Variants in EZH1 observed in about 807,000 individuals in gnomAD.
EZH1 encodes the protein enhancer of zeste 1 polycomb repressive complex 2 subunit.
EZH1 carries 33 observed loss-of-function variants against 100.5 expected under a neutral mutation model. The observed-to-expected ratio is 0.33, with a 90% CI of 0.25 to 0.44. The LOEUF (loss-of-function observed/expected upper bound fraction) is 0.44. Among genes scored for constraint, EZH1 ranks in the 20% least tolerant of loss-of-function variants. The pLI is 1.00. For synonymous variants in EZH1, 272 were observed against 313.8 expected (o/e 0.87, Z 1.41); for missense variants, 475 against 928.4 (o/e 0.51, Z 6.35).
chr17:42,715,283 T>C (rs1423658925), intron 10 of EZH1, among the ~76,000 whole-genome samples: 3 of 145,388 alleles, frequency 2.1e-5, no homozygotes, highest in East Asian at 4.1e-4. Context: ...TATATATATA[T>C]ATTTTTTTGA....
chr17:42,734,844 T>A (rs569307550), intron 1 of EZH1, among the ~76,000 whole-genome samples: 9 of 151,268 alleles, frequency 5.9e-5, no homozygotes, highest in African/African-American at 2.2e-4. Flanking sequence ...AACACAAAAA[T>A]TAGCCGGGTG....
chr17:42,718,672 A>T lies in EZH1; in HGVS notation c.768-55T>A. ...TCCGAGGAACTGCCTCCACTGAGGA[A>T]ATACAGATTGGGTACTGACAGTAGC... On this transcript the variant is annotated intron_variant, in intron 8 of 20. Coordinates refer to ENST00000428826, the MANE Select transcript of EZH1 (RefSeq NM_001991.5). The surrounding 1 kb of genome is among the most constrained non-coding windows in gnomAD (Gnocchi z 4.2). 6.3e-7 allele frequency: 1 copy of T among 1,592,274 alleles called. No individual in the cohort carries two copies. The highest frequency in any genetic ancestry group is 8.6e-7 in the Non-Finnish European group (1 of 1,163,932).
chr17:42,720,426 T>C lies in EZH1; in HGVS notation c.511A>G (p.Ile171Val). 6.2e-7 allele frequency: 1 copy of C among 1,611,146 alleles called. No individual in the cohort carries two copies. The highest frequency in any genetic ancestry group is 1.1e-5 in the South Asian group (1 of 90,474). Residue 171 changes from isoleucine to valine, a missense_variant, in exon 7 of 21, where the codon ATT becomes GTT. This residue lies in a region of EZH1 where 180 missense variants were observed against 295.3 expected (regional missense o/e 0.61). Coordinates refer to ENST00000428826, the MANE Select transcript of EZH1 (RefSeq NM_001991.5). ...EEEMIPGSVL[I>V]SDAVFLELVD... ...AACTCCAGAAAAACAGCATCACTAATCAGAACGGATCCAGGGATCATCTCT... is the reference window on the plus strand; with the variant it reads ...AACTCCAGAAAAACAGCATCACTAACCAGAACGGATCCAGGGATCATCTCT...
intron 19 of EZH1, chr17:42,703,247 T>C: frequency 2.8e-6 from 1 of 361,286 alleles, no homozygotes; most frequent in Non-Finnish European, 5.2e-6. Flanking sequence ...TGATCTTGGC[T>C]CATTGCAACC....
chr17:42,722,963 T>A (rs1253417092), intron 5 of EZH1, 48 bp from the exon 6 acceptor site: 1 of 1,587,326 alleles, frequency 6.3e-7, no homozygotes, highest in Admixed American at 1.8e-5. Flanking sequence ...ATCATGCATC[T>A]GCTCTTTCCT....
chr17:42,733,757 T>C (rs535836715), intron 1 of EZH1, among the ~76,000 whole-genome samples: 125 of 150,602 alleles, frequency 8.3e-4, no homozygotes, highest in African/African-American at 2.8e-3. Context: ...CTGGCCAGCA[T>C]AGTGAAACCT....
At chr17:42,715,139 ATATAT>A (rs1273723769) in intron 10 of EZH1, among the ~76,000 whole-genome samples, 3 of 139,310 alleles carry the variant, frequency 2.2e-5, no homozygotes, top group Non-Finnish European at 3.0e-5. Context: ...ATATGTATTT[ATATAT>A]TATATATTAT....
At chr17:42,712,205 C>A in intron 12 of EZH1, 84 bp downstream of exon 12, 1 of 1,422,440 alleles carries the variant, frequency 7.0e-7, no homozygotes, top group South Asian at 1.3e-5. Flanking sequence ...GACCCAGACA[C>A]ACAGCCTGGT....
chr17:42,730,566 G>A (rs1470911001), intron 2 of EZH1, among the ~76,000 whole-genome samples: 4 of 124,836 alleles, frequency 3.2e-5, no homozygotes, highest in East Asian at 2.5e-4. Flanking sequence ...GCGCGATCTC[G>A]GCTCACTGCA....
Position 42,707,873 on chromosome 17 carries a change from G to A in EZH1, c.1660+85C>T, listed in dbSNP as rs1041815319. ...AGGGGATATCAGAAGGCCATAAGCA[G>A]TAAAGGGCACAGGAATGGGGCAAGC... is the stretch of plus-strand genomic sequence containing the variant. On this transcript the variant is annotated intron_variant, in intron 15 of 20. Coordinates refer to ENST00000428826, the MANE Select transcript of EZH1 (RefSeq NM_001991.5). 2.6e-6 allele frequency: 4 copies of A among 1,557,714 alleles called. No homozygotes were observed. The African/African-American group carries it at 5.4e-5, about 21-fold the overall frequency.
At chr17:42,714,424 A>G (rs2143764865) in intron 10 of EZH1, 1 of 346,388 alleles carries the variant, frequency 2.9e-6, no homozygotes, top group Non-Finnish European at 5.8e-6. Flanking sequence ...AAAGCACTGA[A>G]ATCTGCATGT....
chr17:42,702,373 G>A lies in EZH1; in HGVS notation c.*159C>T. ...TCTCCCCTCTCATTGAGACAGTTTT[G>A]TGCCCTCTGGACATGGCAGAGGCCT... On this transcript the variant is annotated 3_prime_UTR_variant, in exon 21 of 21. Coordinates refer to ENST00000428826, the MANE Select transcript of EZH1 (RefSeq NM_001991.5). 1 of 557,126 alleles carries A rather than the reference G, an allele frequency of 1.8e-6. No homozygotes were observed. Among genetic ancestry groups the A allele is most frequent in the Non-Finnish European group, 3.2e-6 (1 of 315,294 alleles). The allele number at this position is 557,126 out of a possible 1,614,324, so 34.5% of individuals were successfully genotyped here. A position where few individuals can be genotyped will look rare whatever the true frequency, so the allele number is the denominator to read the frequency against.
chr17:42,719,098 T>C lies in EZH1; in HGVS notation c.767+7A>G, dbSNP rs115557997. On this transcript the variant is annotated splice_region_variant and intron_variant, in intron 8 of 20. Coordinates refer to ENST00000428826, the MANE Select transcript of EZH1 (RefSeq NM_001991.5). ...GTATATGGCCTAAGTGGGACAGCTT[T>C]CCCTACCTCTCCTTCATGTCATCTG... 1.8e-3 allele frequency: 2,938 copies of C among 1,607,594 alleles called. 58 individuals are homozygous for C. In the African/African-American group the frequency reaches 0.036, roughly 20 times the overall value.
intron 16 of EZH1, chr17:42,705,672 A>C (rs2053338914): frequency 5.4e-6 from 1 of 184,508 alleles, no homozygotes; most frequent in African/African-American, 2.4e-5. Context: ...GGCATGCACC[A>C]CCATGCCTGG....
rs530393382 is a variant in EZH1, at chr17:42,735,690, T to G, written c.-102-4772A>C. Among the ~76,000 whole-genome samples the G allele has an allele frequency of 1.4e-4, 22 of 151,980 alleles. No homozygotes were observed. The South Asian group carries it at 4.6e-3, about 32-fold the overall frequency. On this transcript the variant is annotated intron_variant, in intron 1 of 20. Transcript: ENST00000428826. ...GCTCAATAATAAGACAAATCACCAA[T>G]AAAAAGTGAGCAGAAGGCTGGATGT...
chr17:42,722,696 C>T, intron 6 of EZH1, 99 bp downstream of exon 6: 1 of 1,214,104 alleles, frequency 8.2e-7, no homozygotes, highest in Non-Finnish European at 1.2e-6. Context: ...GTGTGTACCC[C>T]ATGGGGCAGA....
At position 42,724,433 on chromosome 17, in the gene EZH1, T is replaced by A; in HGVS notation, c.247-9A>T. 1.2e-6 allele frequency: 2 copies of A among 1,613,292 alleles called. No homozygotes were observed. The highest frequency in any genetic ancestry group is 1.7e-6 in the Non-Finnish European group (2 of 1,179,444). Reference sequence around the variant, plus strand: ...ATGCTCTCTATGGTACACTGAAATATAAGCAATGACATGGAGAGGGAAAGA... The same window carrying A: ...ATGCTCTCTATGGTACACTGAAATAAAAGCAATGACATGGAGAGGGAAAGA... On this transcript the variant is annotated splice_polypyrimidine_tract_variant and intron_variant, in intron 4 of 20. Coordinates refer to ENST00000428826, the MANE Select transcript of EZH1 (RefSeq NM_001991.5).
rs1335538743 is a variant in EZH1 at position 42,712,359 on chromosome 17, A to T, written c.1331T>A (p.Val444Asp). ...GTTGTTGAAGTAGGTGCCATGGAAGACTCGAAAAAGAGATTCTTCAGCCCC... is the reference window on the plus strand; with the variant it reads ...GTTGTTGAAGTAGGTGCCATGGAAGTCTCGAAAAAGAGATTCTTCAGCCCC... ...WTGAEESLFRVFHGTYFNNFC... is the reference protein window; with the variant it reads ...WTGAEESLFRDFHGTYFNNFC... The change falls in exon 12 of 21, where the codon GTC becomes GAC. Residue 444 changes from valine to aspartate, a missense_variant. By Grantham distance (152) the Val-to-Asp change is radical (BLOSUM62 -3). Transcript: ENST00000428826. 1 of 1,614,076 alleles carries T rather than the reference A, an allele frequency of 6.2e-7. No homozygotes were observed. The highest frequency in any genetic ancestry group is 8.5e-7 in the Non-Finnish European group (1 of 1,180,018).
At chr17:42,731,554 T>C (rs544767274) in intron 1 of EZH1, among the ~76,000 whole-genome samples, 1 of 152,214 alleles carries the variant, frequency 6.6e-6, no homozygotes, top group Middle Eastern at 3.4e-3. Flanking sequence ...AATAACTACT[T>C]GGGTTTCTTA....
Sources: allele counts gnomAD v4.1 joint callset (sites outside exome capture counted in the v4.1 genomes callset), GRCh38; gene constraint gnomAD v4.1.1; regional missense constraint gnomAD v4.1.1; non-coding constraint Gnocchi (gnomAD v3.1); transcripts MANE v1.5; gene names NCBI Gene and HGNC (gene_info 2026-07-23, HGNC 2026-07-21).